The following GRIK4 variants were observed in gnomAD, a reference collection of about 807,000 sequenced individuals.
GRIK4 encodes the protein glutamate ionotropic receptor kainate type subunit 4.
A neutral mutation model predicts 104.9 loss-of-function variants in GRIK4; 40 were observed. That is an observed-to-expected ratio of 0.38 (90% CI 0.30 to 0.50). GRIK4 has a LOEUF of 0.50. Ranked by LOEUF, GRIK4 falls within the 20% of genes least tolerant of loss-of-function variation. GRIK4 has a pLI of 0.93. For synonymous variants in GRIK4, 485 were observed against 524.9 expected, an observed-to-expected ratio of 0.92 and a Z score of 1.04; for missense variants, 1,047 against 1,308.1, an observed-to-expected ratio of 0.80 and a Z score of 3.08.
chr11:120,592,940 T>C (rs1018576373), intron 1 of GRIK4, among the ~76,000 whole-genome samples: 4 of 152,316 alleles, frequency 2.6e-5, no homozygotes, highest in Admixed American at 2.6e-4. Context: ...CCCAGCACTT[T>C]GGGAGGCCCA....
At chr11:120,928,975 G>A (rs1943415598) in intron 13 of GRIK4, among the ~76,000 whole-genome samples, 1 of 149,546 alleles carries the variant, frequency 6.7e-6, no homozygotes. Context: ...GTGTGTGTGT[G>A]TGTGTGTGTG....
chr11:120,667,838 C>A (rs1432897283), intron 3 of GRIK4, among the ~76,000 whole-genome samples: 1 of 152,216 alleles, frequency 6.6e-6, no homozygotes, highest in African/African-American at 2.4e-5. Context: ...GCAGACAGTG[C>A]CACTGTGCTG....
intron 1 of GRIK4, among the ~76,000 whole-genome samples, chr11:120,606,281 T>C (rs11601979): frequency 0.17 from 25,277 of 152,152 alleles, 5,999 homozygotes; most frequent in African/African-American, 0.53. Context: ...GCCCCTCCTC[T>C]GCAGACCCAC....
intron 1 of GRIK4, among the ~76,000 whole-genome samples, chr11:120,616,703 A>G (rs1475495197): frequency 2.6e-5 from 4 of 152,206 alleles, no homozygotes; most frequent in Non-Finnish European, 5.9e-5. Context: ...CAGCACATGA[A>G]ACTACGTCAA....
intron 1 of GRIK4, among the ~76,000 whole-genome samples, chr11:120,624,719 A>G (rs562749295): frequency 7.2e-5 from 11 of 152,222 alleles, no homozygotes; most frequent in African/African-American, 1.4e-4. Flanking sequence ...CTCTTCCTCC[A>G]TTAGCGTAGA....
intron 1 of GRIK4, chr11:120,514,904 A>G (rs1947706501): frequency 2.2e-6 from 1 of 450,714 alleles, no homozygotes; most frequent in Admixed American, 2.4e-5. Flanking sequence ...GTTCACCCTG[A>G]GTTACGGTCC....
intron 9 of GRIK4, chr11:120,868,758 T>G (rs1338468717): frequency 6.8e-6 from 1 of 147,588 alleles, no homozygotes; most frequent in South Asian, 2.2e-4. Context: ...TTTTTTTTTT[T>G]GTATTTTTAG....
intron 13 of GRIK4, among the ~76,000 whole-genome samples, chr11:120,930,627 G>A (rs186598355): frequency 5.3e-5 from 8 of 152,320 alleles, no homozygotes; most frequent in South Asian, 2.1e-4. Context: ...TCTCTTTGGC[G>A]ACAGACAAGG....
rs114910142 is a variant in GRIK4 at position 120,621,376 on chromosome 11, T to C, written c.-158-32309T>C. 5.8e-3 allele frequency among the ~76,000 whole-genome samples: 885 copies of C among 152,250 alleles called. 6 individuals carry two copies. Among genetic ancestry groups the C allele is most frequent in the African/African-American group, 0.02 (813 of 41,522 alleles). On this transcript the variant is annotated intron_variant, in intron 1 of 20. Coordinates refer to ENST00000527524, the MANE Select transcript of GRIK4 (RefSeq NM_014619.5). ...TGTCAGGGAGAAATATCTAAATCAT[T>C]TGAACAGGTAATAATAGGATAGTGT... is the stretch of plus-strand genomic sequence containing the variant.
intron 3 of GRIK4, among the ~76,000 whole-genome samples, chr11:120,670,650 G>A (rs1950000059): frequency 6.6e-6 from 1 of 152,068 alleles, no homozygotes; most frequent in African/African-American, 2.4e-5. Flanking sequence ...CCATCCTCTA[G>A]CCCTGCCTCT....
intron 3 of GRIK4, among the ~76,000 whole-genome samples, chr11:120,790,674 C>T (rs1952376271): frequency 6.6e-6 from 1 of 152,148 alleles, no homozygotes; most frequent in Admixed American, 6.5e-5. Flanking sequence ...GGTGCATCTG[C>T]AGTGGAGAGT....
Position 120,970,729 on chromosome 11 carries a change from G to A in GRIK4, c.2395+3406G>A, listed in dbSNP as rs76511765. ...GACCATCTCTCCCATTCCAGATCTC[G>A]CCCAAAGTCCAAGGACCCTTTCTTT... On this transcript the variant is annotated intron_variant, in intron 19 of 20. Transcript: ENST00000527524. Among the ~76,000 whole-genome samples, 851 of 152,030 alleles carry A rather than the reference G, an allele frequency of 5.6e-3. 10 individuals carry two copies. The highest frequency in any genetic ancestry group is 0.019 in the African/African-American group (805 of 41,498).
Position 120,879,516 on chromosome 11 carries a change from A to G in GRIK4, c.1164+4273A>G, listed in dbSNP as rs73584426. On this transcript the variant is annotated intron_variant, in intron 11 of 20. Transcript: ENST00000527524. ...GCCGGTGGCTGATTAAAGGATTATTACCATTTTAAAAATAGTCTATCAGAA... is the reference window on the plus strand; with the variant it reads ...GCCGGTGGCTGATTAAAGGATTATTGCCATTTTAAAAATAGTCTATCAGAA... Among the ~76,000 whole-genome samples the G allele has an allele frequency of 8.1e-3, 1,241 of 152,330 alleles. 17 individuals carry two copies. Among genetic ancestry groups the G allele is most frequent in the African/African-American group, 0.028 (1,172 of 41,578 alleles).
chr11:120,793,627 C>T (rs2135495971), intron 3 of GRIK4, among the ~76,000 whole-genome samples: 1 of 143,720 alleles, frequency 7.0e-6, no homozygotes, highest in African/African-American at 2.6e-5. Flanking sequence ...TGTTAGGGGT[C>T]GGAGCCCAGC....
intron 9 of GRIK4, among the ~76,000 whole-genome samples, chr11:120,867,299 ACAGCC>A (rs1954448175): frequency 6.6e-6 from 1 of 152,168 alleles, no homozygotes; most frequent in African/African-American, 2.4e-5. Context: ...CACAGCACAA[ACAGCC>A]CAGCTCTTTT....
In GRIK4 at chr11:120,804,188, G is replaced by A. The variant is rs552464365; in HGVS notation, c.247+1331G>A. ...TATCTATTCCCTAAGACTTTGAAGAGTCCCCGTCTCCTCCCTTTCTAACCC... is the reference window on the plus strand; with the variant it reads ...TATCTATTCCCTAAGACTTTGAAGAATCCCCGTCTCCTCCCTTTCTAACCC... On this transcript the variant is annotated intron_variant, in intron 4 of 20. Transcript: ENST00000527524. Among the ~76,000 whole-genome samples the A allele has an allele frequency of 2.0e-5, 3 of 152,312 alleles. No homozygotes were observed. In the South Asian group the frequency reaches 6.2e-4, roughly 32 times the overall value.
intron 6 of GRIK4, among the ~76,000 whole-genome samples, chr11:120,829,536 C>A (rs1953367453): frequency 6.6e-6 from 1 of 152,172 alleles, no homozygotes; most frequent in Non-Finnish European, 1.5e-5. Flanking sequence ...CAATGCCTGG[C>A]ACTCAGGACA....
chr11:120,617,632 C>T (rs1159796372), intron 1 of GRIK4, among the ~76,000 whole-genome samples: 2 of 152,138 alleles, frequency 1.3e-5, no homozygotes, highest in Non-Finnish European at 2.9e-5. Context: ...GTGGATTTCC[C>T]TCTTCGTGCT....
chr11:120,863,534 A>ATGAG (rs574847736), intron 9 of GRIK4, among the ~76,000 whole-genome samples: 173 of 152,360 alleles, frequency 1.1e-3, no homozygotes, highest in Middle Eastern at 3.4e-3. Context: ...TGTTGAATGA[A>ATGAG]TGAGTGAGTG....
Sources: allele counts gnomAD v4.1 joint callset (sites outside exome capture counted in the v4.1 genomes callset), GRCh38; gene constraint gnomAD v4.1.1; transcripts MANE v1.5; gene names NCBI Gene and HGNC (gene_info 2026-07-23, HGNC 2026-07-21).